The following AKAP9 variants were observed in gnomAD, a reference collection of about 807,000 sequenced individuals.
AKAP9 encodes A-kinase anchor protein 9.
In AKAP9, 311 loss-of-function variants were observed where a neutral mutation model predicts 488.5. That is an observed-to-expected ratio of 0.64 (90% CI 0.58 to 0.70). The LOEUF (loss-of-function observed/expected upper bound fraction) is 0.70, where lower values mean the gene tolerates loss of function less well. Among genes scored for constraint, AKAP9 ranks in the 30% least tolerant of loss-of-function variants. AKAP9 has a pLI of 0.00. For synonymous variants in AKAP9, 1,462 were observed against 1,483.5 expected (o/e 0.99, Z 0.33); for missense variants, 4,215 against 4,374.5 (o/e 0.96, Z 1.03).
In AKAP9 at chr7:91,993,002, A is replaced by T. The variant is rs1797958195; in HGVS notation, c.523A>T (p.Asn175Tyr). 2 of 1,614,014 alleles carry T rather than the reference A, an allele frequency of 1.2e-6. No individual in the cohort carries two copies. The highest frequency in any genetic ancestry group is 1.7e-6 in the Non-Finnish European group (2 of 1,179,996). ...AGKQHEIEEL[N>Y]RELEEMRVTY... ...GAAGCAGCATGAGATTGAAGAGCTAAACAGAGAGCTGGAAGAAATGAGGGT... is the reference window on the plus strand; with the variant it reads ...GAAGCAGCATGAGATTGAAGAGCTATACAGAGAGCTGGAAGAAATGAGGGT... Residue 175 changes from asparagine (N) to tyrosine (Y), a missense_variant, in exon 5 of 50, where the codon AAC (asparagine) becomes TAC (tyrosine). Coordinates refer to ENST00000356239, the MANE Select transcript of AKAP9 (RefSeq NM_005751.5).
intron 1 of AKAP9, 29 bp downstream of exon 1, chr7:91,941,176 C>T: frequency 6.2e-7 from 1 of 1,602,908 alleles, no homozygotes; most frequent in Non-Finnish European, 8.5e-7. Flanking sequence ...ACCGGGCCTG[C>T]GGTGGGAGGC....
At chr7:92,048,868 T>A (rs938012192) in intron 21 of AKAP9, among the ~76,000 whole-genome samples, 1 of 152,216 alleles carries the variant, frequency 6.6e-6, no homozygotes, top group African/African-American at 2.4e-5. Context: ...ATCACACCAC[T>A]GCACTAATCA....
chr7:92,022,127 A>G, intron 12 of AKAP9, 111 bp from the exon 13 acceptor site: 1 of 810,542 alleles, frequency 1.2e-6, no homozygotes. Context: ...GAGTGCCACA[A>G]TTTTGGGTGG....
intron 1 of AKAP9, among the ~76,000 whole-genome samples, chr7:91,958,877 CATTATT>C (rs199851004): frequency 6.6e-6 from 1 of 150,746 alleles, no homozygotes; most frequent in Non-Finnish European, 1.5e-5. Context: ...TTGAAAACAT[CATTATT>C]ATTATTATTA....
At chr7:92,048,136 A>G (rs1273802379) in intron 21 of AKAP9, among the ~76,000 whole-genome samples, 1 of 152,200 alleles carries the variant, frequency 6.6e-6, no homozygotes, top group East Asian at 1.9e-4. Flanking sequence ...TAATGGGAGC[A>G]TTATTTTTAA....
intron 33 of AKAP9, 24 bp downstream of exon 33, chr7:92,083,679 T>G (rs1171398682): frequency 2.7e-5 from 44 of 1,603,856 alleles, no homozygotes; most frequent in Non-Finnish European, 3.7e-5. Flanking sequence ...ATAATATGTG[T>G]TTTTCAACAT....
chr7:92,107,154 GAATAATAGAAAATGA>G (rs1292996665), intron 47 of AKAP9, 124 bp from the exon 48 acceptor site: 2 of 882,670 alleles, frequency 2.3e-6, no homozygotes, highest in East Asian at 5.3e-5. Context: ...CCTTTATCAA[GAATAATAGAAAATGA>G]CTATAAATAG....
At chr7:92,058,360 C>T (rs1440364023) in intron 22 of AKAP9, 9 of 567,028 alleles carry the variant, frequency 1.6e-5, no homozygotes, top group African/African-American at 5.6e-5. Context: ...ATAAAAGAAA[C>T]GGGCATATAT....
intron 16 of AKAP9, among the ~76,000 whole-genome samples, chr7:92,034,675 G>A (rs1275352396): frequency 6.7e-6 from 1 of 148,702 alleles, no homozygotes; most frequent in Admixed American, 6.7e-5. Flanking sequence ...TAATTTTTGT[G>A]GGTTTTTTTT....
intron 21 of AKAP9, among the ~76,000 whole-genome samples, chr7:92,045,611 T>C (rs1224933510): frequency 1.3e-5 from 2 of 152,178 alleles, no homozygotes; most frequent in African/African-American, 2.4e-5. Context: ...ACCAGCTTCA[T>C]GTACCTGTTG....
intron 49 of AKAP9, chr7:92,109,005 C>T (rs1044671874): frequency 1.4e-5 from 5 of 358,186 alleles, no homozygotes; most frequent in East Asian, 4.6e-5. Flanking sequence ...AAGGCCGTGC[C>T]GCAGCACTCC....
chr7:92,034,496 A>ATTTTTTTTTTTTTTTTTT (rs1364779899), intron 16 of AKAP9, among the ~76,000 whole-genome samples: 1 of 104,278 alleles, frequency 9.6e-6, no homozygotes, highest in Non-Finnish European at 1.9e-5. Flanking sequence ...ATATATATAT[A>ATTTTTTTTTTTTTTTTTT]TATTTTTTTT....
chr7:92,038,841 A>G (rs1456713217), intron 17 of AKAP9, 69 bp downstream of exon 17: 1 of 1,035,048 alleles, frequency 9.7e-7, no homozygotes, highest in Non-Finnish European at 1.5e-6. Context: ...TAAAAATATT[A>G]GCAATAGTGC....
At chr7:92,036,207 G>T (rs1479505992) in intron 16 of AKAP9, among the ~76,000 whole-genome samples, 1 of 151,876 alleles carries the variant, frequency 6.6e-6, no homozygotes, top group East Asian at 1.9e-4. Context: ...CTGTCGACAA[G>T]GTCCTTGTCA....
chr7:92,100,713 G>A (rs1817385340), intron 44 of AKAP9, 143 bp from the exon 45 acceptor site: 16 of 870,182 alleles, frequency 1.8e-5, no homozygotes, highest in Admixed American at 7.6e-5. Context: ...GTGTATATGC[G>A]TAATGTCAAT....
chr7:92,002,357 A>G lies in AKAP9; in HGVS notation c.2440A>G (p.Lys814Glu). 2 of 1,612,894 alleles carry G rather than the reference A, an allele frequency of 1.2e-6. No homozygotes were observed. Among genetic ancestry groups the G allele is most frequent in the South Asian group, 1.1e-5 (1 of 90,816 alleles). ...IFLDSIKSKS[K>E]DSVWEKEIEI... is the part of the protein sequence containing the mutation. ...CTTAGACTCCATTAAGTCCAAATCCAAAGACTCTGTGTGGGAAAAAGAAAT... is the reference window on the plus strand; with the variant it reads ...CTTAGACTCCATTAAGTCCAAATCCGAAGACTCTGTGTGGGAAAAAGAAAT... Residue 814 changes from lysine (K) to glutamate (E), a missense_variant, in exon 8 of 50, where the codon AAA becomes GAA. Lys to Glu is a moderately conservative substitution (Grantham distance 56). Coordinates refer to ENST00000356239, the MANE Select transcript of AKAP9 (RefSeq NM_005751.5).
intron 3 of AKAP9, among the ~76,000 whole-genome samples, chr7:91,981,554 G>A (rs367623015): frequency 1.4e-5 from 2 of 147,296 alleles, no homozygotes; most frequent in South Asian, 4.3e-4. Context: ...TATTGCATTT[G>A]AAAACTTTTT....
At chr7:92,105,974 C>T (rs1247074272) in intron 47 of AKAP9, among the ~76,000 whole-genome samples, 1 of 152,228 alleles carries the variant, frequency 6.6e-6, no homozygotes, top group Non-Finnish European at 1.5e-5. Context: ...CTATTGTGAA[C>T]TGCACATGTG....
chr7:92,002,390 C>G lies in AKAP9; in HGVS notation c.2473C>G (p.Leu825Val), dbSNP rs375189777. 2.5e-6 allele frequency: 4 copies of G among 1,610,674 alleles called. No homozygotes were observed. The highest frequency in any genetic ancestry group is 1.7e-5 in the Admixed American group (1 of 59,612). ...DSVWEKEIEI[L>V]IEENEDLKQQ... ...TGTGTGGGAAAAAGAAATAGAAATACTTATAGAGGAAAATGAGGACCTCAA... is the reference window on the plus strand; with the variant it reads ...TGTGTGGGAAAAAGAAATAGAAATAGTTATAGAGGAAAATGAGGACCTCAA... Residue 825 changes from leucine to valine, a missense_variant, in exon 8 of 50, where the codon CTT (leucine) becomes GTT (valine). Coordinates refer to ENST00000356239, the MANE Select transcript of AKAP9 (RefSeq NM_005751.5).
Sources: gnomAD v4.1 joint callset for allele counts (sites outside exome capture counted in the v4.1 genomes callset) on GRCh38, gnomAD v4.1.1 for gene constraint, MANE v1.5 for transcripts, NCBI Gene and HGNC (gene_info 2026-07-23, HGNC 2026-07-21) for gene names.